TRPM3: variants seen among roughly 807,000 people sequenced by gnomAD.
TRPM3 encodes transient receptor potential cation channel subfamily M member 3, also known as long transient receptor potential channel 3.
A neutral mutation model predicts 181.2 loss-of-function variants in TRPM3; 77 were observed. The observed-to-expected ratio is 0.42, with a 90% CI of 0.35 to 0.51. The LOEUF (loss-of-function observed/expected upper bound fraction) is 0.51. Ranked by LOEUF, TRPM3 falls within the 20% of genes least tolerant of loss-of-function variation. TRPM3 has a pLI of 0.01. For missense variants in TRPM3, 1,759 were observed against 2,196.7 expected (o/e 0.80, Z 3.98); for synonymous variants, 745 against 796.4 (o/e 0.94, Z 1.09).
chr9:70,762,980 A>G (rs1256749911), intron 7 of TRPM3, among the ~76,000 whole-genome samples: 1 of 152,144 alleles, frequency 6.6e-6, no homozygotes, highest in African/African-American at 2.4e-5. Context: ...TTATTGCTTA[A>G]AAGAAGGCAA....
At chr9:70,814,972 C>T (rs1047006802) in intron 6 of TRPM3, among the ~76,000 whole-genome samples, 1 of 148,728 alleles carries the variant, frequency 6.7e-6, no homozygotes, top group Non-Finnish European at 1.5e-5. Flanking sequence ...AAAACAACAT[C>T]AAGCAATTTT....
chr9:70,991,113 A>G (rs1317670974), intron 1 of TRPM3, among the ~76,000 whole-genome samples: 31 of 152,138 alleles, frequency 2.0e-4, no homozygotes, highest in Admixed American at 2.0e-3. Context: ...GCCTCAAAAT[A>G]TCCACCTCTA....
chr9:70,976,700 C>T (rs906393234), intron 1 of TRPM3, among the ~76,000 whole-genome samples: 1 of 152,202 alleles, frequency 6.6e-6, no homozygotes, highest in Non-Finnish European at 1.5e-5. Flanking sequence ...TGTGCAATCT[C>T]GGGCAGGGTT....
chr9:70,681,265 A>G (rs2065363420), intron 9 of TRPM3, among the ~76,000 whole-genome samples: 2 of 152,184 alleles, frequency 1.3e-5, no homozygotes, highest in South Asian at 4.1e-4. Context: ...ATATACGTTT[A>G]TAATTCATGG....
intron 1 of TRPM3, among the ~76,000 whole-genome samples, chr9:71,105,172 T>C (rs1411584674): frequency 6.6e-6 from 1 of 152,136 alleles, no homozygotes. Context: ...TTTTAGGAGC[T>C]TGTTGAGTGG....
chr9:70,961,343 G>T (rs1378436859), intron 1 of TRPM3, among the ~76,000 whole-genome samples: 2 of 152,126 alleles, frequency 1.3e-5, no homozygotes, highest in African/African-American at 2.4e-5. Context: ...TTGGACTTCT[G>T]ACCTATGGAA....
intron 1 of TRPM3, among the ~76,000 whole-genome samples, chr9:70,891,875 C>T (rs567423172): frequency 6.6e-6 from 1 of 152,298 alleles, no homozygotes; most frequent in Admixed American, 6.5e-5. Flanking sequence ...GACCTCAGGG[C>T]TGGCAAAGTC....
At chr9:71,100,218 A>T (rs1165010543) in intron 1 of TRPM3, among the ~76,000 whole-genome samples, 10 of 152,286 alleles carry the variant, frequency 6.6e-5, no homozygotes, top group Non-Finnish European at 1.5e-5. Flanking sequence ...ATCAACTACA[A>T]TAACTCAGGA....
At chr9:71,108,233 T>C (rs1383536467) in intron 1 of TRPM3, among the ~76,000 whole-genome samples, 2 of 152,168 alleles carry the variant, frequency 1.3e-5, no homozygotes, top group Non-Finnish European at 2.9e-5. Context: ...TAGCAAAAGG[T>C]ATAGAAAAAT....
At chr9:71,296,117 C>T (rs952986988) in intron 1 of TRPM3, among the ~76,000 whole-genome samples, 3 of 152,162 alleles carry the variant, frequency 2.0e-5, no homozygotes, top group Non-Finnish European at 2.9e-5. Flanking sequence ...GTGCTAAGCT[C>T]TGGACTCTGC....
At chr9:71,080,412 A>T (rs2064118695) in intron 1 of TRPM3, among the ~76,000 whole-genome samples, 1 of 152,154 alleles carries the variant, frequency 6.6e-6, no homozygotes, top group African/African-American at 2.4e-5. Flanking sequence ...AGGGTGTGCC[A>T]ACCATGCATT....
At chr9:70,637,870 T>C (rs376972334) in intron 11 of TRPM3, among the ~76,000 whole-genome samples, 1 of 152,176 alleles carries the variant, frequency 6.6e-6, no homozygotes, top group East Asian at 1.9e-4. Context: ...ATGGTTTGAA[T>C]GTTTGTGTCC....
At chr9:70,756,449 A>G (rs988959881) in intron 8 of TRPM3, among the ~76,000 whole-genome samples, 3 of 152,178 alleles carry the variant, frequency 2.0e-5, no homozygotes, top group Non-Finnish European at 4.4e-5. Flanking sequence ...TAAAAAAATA[A>G]CAAGGATATT....
intron 1 of TRPM3, among the ~76,000 whole-genome samples, chr9:70,921,624 T>C (rs1302514716): frequency 6.6e-6 from 1 of 152,212 alleles, no homozygotes; most frequent in Admixed American, 6.5e-5. Flanking sequence ...AAGAGTTTGA[T>C]ACGTGTCTCT....
intron 7 of TRPM3, among the ~76,000 whole-genome samples, chr9:70,763,740 A>G (rs1329046382): frequency 3.3e-5 from 5 of 152,300 alleles, no homozygotes; most frequent in African/African-American, 1.2e-4. Flanking sequence ...CCAGCCTTCA[A>G]TGAGCTTATG....
At chr9:71,315,553 T>A (rs932528858) in intron 1 of TRPM3, among the ~76,000 whole-genome samples, 2 of 152,118 alleles carry the variant, frequency 1.3e-5, no homozygotes, top group African/African-American at 4.8e-5. Context: ...AAAATACAAT[T>A]AATTTTAAGA....
At chr9:71,030,154 A>G (rs1259778073) in intron 1 of TRPM3, among the ~76,000 whole-genome samples, 1 of 152,180 alleles carries the variant, frequency 6.6e-6, no homozygotes, top group African/African-American at 2.4e-5. Flanking sequence ...TTTTGCTTAT[A>G]TTTTGTAAAG....
chr9:70,899,459 T>C (rs1589636700), intron 1 of TRPM3, among the ~76,000 whole-genome samples: 1 of 152,158 alleles, frequency 6.6e-6, no homozygotes, highest in East Asian at 1.9e-4. Flanking sequence ...TTCCTTCACA[T>C]CTTACACTTG....
At chr9:70,761,786 G>A in intron 7 of TRPM3, 62 bp from the exon 8 acceptor site, 1 of 1,547,236 alleles carries the variant, frequency 6.5e-7, no homozygotes, top group Non-Finnish European at 8.7e-7. Context: ...GTATTTCTGA[G>A]AAATACAGAG....
Sources: gnomAD v4.1 joint callset for allele counts (sites outside exome capture counted in the v4.1 genomes callset) on GRCh38, gnomAD v4.1.1 for gene constraint, MANE v1.5 for transcripts, NCBI Gene and HGNC (gene_info 2026-07-23, HGNC 2026-07-21) for gene names.